Variants in ARHGEF26 observed in about 807,000 individuals in gnomAD.
ARHGEF26 encodes Rho guanine nucleotide exchange factor (GEF) 26.
Under a neutral mutation model 89.4 loss-of-function variants are expected in ARHGEF26, and 59 were observed. The ratio of observed to expected loss-of-function variants is 0.66; its 90% CI spans 0.54 to 0.82. The LOEUF (loss-of-function observed/expected upper bound fraction) is 0.82. Ranked by LOEUF, ARHGEF26 falls within the 40% of genes least tolerant of loss-of-function variation. The pLI, the probability that ARHGEF26 is intolerant of heterozygous loss-of-function variation, is 0.00. For synonymous variants in ARHGEF26, 500 were observed against 428.4 expected, an observed-to-expected ratio of 1.17 and a Z score of -2.06; for missense variants, 1,234 against 1,085.6, an observed-to-expected ratio of 1.14 and a Z score of -1.92.
intron 10 of ARHGEF26, among the ~76,000 whole-genome samples, chr3:154,221,375 G>A (rs1716115757): frequency 6.6e-6 from 1 of 152,176 alleles, no homozygotes; most frequent in Non-Finnish European, 1.5e-5. Flanking sequence ...TTTATATGTT[G>A]CTGGTGGGAA....
chr3:154,122,808 C>G lies in ARHGEF26; in HGVS notation c.816C>G (p.His272Gln), dbSNP rs757399629. 1.2e-6 allele frequency: 2 copies of G among 1,612,072 alleles called. No homozygotes were observed. Among genetic ancestry groups the G allele is most frequent in the Admixed American group, 1.7e-5 (1 of 59,668 alleles). Residue 272 changes from histidine to glutamine, a missense_variant, in exon 2 of 15, where the codon CAC (histidine) becomes CAG (glutamine). Coordinates refer to ENST00000465093, the MANE Select transcript of ARHGEF26 (RefSeq NM_015595.4). ...CCAACAATCAAAATGTGGAGCCCCA[C>G]AAGAGACTCCTCAAGGTGCGCAGCA... The part of the protein sequence containing the change: ...SKSNNQNVEP[H>Q]KRLLKVRSMV...
At chr3:154,212,376 T>A (rs1422649714) in intron 9 of ARHGEF26, among the ~76,000 whole-genome samples, 1 of 151,210 alleles carries the variant, frequency 6.6e-6, no homozygotes, top group Non-Finnish European at 1.5e-5. Context: ...GATACAATAA[T>A]AAGTGTACAT....
rs537821087 is a variant in ARHGEF26 at position 154,230,225 on chromosome 3, T to TG, written c.2090+4216dup. Among the ~76,000 whole-genome samples the TG allele has an allele frequency of 5.1e-3, 783 of 152,312 alleles. 4 individuals are homozygous for TG. Among genetic ancestry groups the TG allele is most frequent in the Non-Finnish European group, 7.8e-3 (530 of 68,004 alleles). On this transcript the variant is annotated intron_variant, in intron 11 of 14. Transcript: ENST00000465093. The stretch of plus-strand genomic sequence containing the variant: ...CTGTATCAAAGTGCCACAAACAAAG[T>TG]GAGTGGCTTAAAACAGTCAGAATTT...
intron 6 of ARHGEF26, among the ~76,000 whole-genome samples, chr3:154,166,628 G>T (rs1313668596): frequency 6.6e-6 from 1 of 152,138 alleles, no homozygotes; most frequent in Non-Finnish European, 1.5e-5. Context: ...GTTTGGCATG[G>T]TAAAAGTTTG....
At chr3:154,252,957 C>A (rs1243463818) in intron 12 of ARHGEF26, among the ~76,000 whole-genome samples, 159 bp from the exon 13 acceptor site, 1 of 152,172 alleles carries the variant, frequency 6.6e-6, no homozygotes, top group Admixed American at 6.5e-5. Flanking sequence ...TTTAGACTTT[C>A]CAGCTTATCA....
intron 9 of ARHGEF26, among the ~76,000 whole-genome samples, chr3:154,207,168 G>A (rs1210413249): frequency 6.6e-6 from 1 of 152,078 alleles, no homozygotes; most frequent in African/African-American, 2.4e-5. Context: ...AGAAAACCTG[G>A]TCATACCATT....
At chr3:154,138,514 A>G (rs1719158014) in intron 4 of ARHGEF26, among the ~76,000 whole-genome samples, 1 of 152,128 alleles carries the variant, frequency 6.6e-6, no homozygotes, top group Admixed American at 6.5e-5. Flanking sequence ...AGATCTGCCA[A>G]TATTTATGTA....
intron 9 of ARHGEF26, among the ~76,000 whole-genome samples, chr3:154,197,295 T>C (rs1470179130): frequency 6.6e-6 from 1 of 152,170 alleles, no homozygotes; most frequent in Non-Finnish European, 1.5e-5. Context: ...TTAATCTTCT[T>C]TTTTATTTGT....
intron 9 of ARHGEF26, among the ~76,000 whole-genome samples, chr3:154,197,023 G>A (rs563320711): frequency 6.6e-5 from 10 of 152,156 alleles, no homozygotes; most frequent in Middle Eastern, 6.8e-3. Context: ...ATTCCTTCAG[G>A]CATCTCTTGT....
At position 154,240,351 on chromosome 3, in the gene ARHGEF26, T is replaced by C. The variant is rs1432389132; in HGVS notation, c.2091-19T>C. 2 of 1,568,192 alleles carry C rather than the reference T, an allele frequency of 1.3e-6. No individual in the cohort carries two copies. Among genetic ancestry groups the C allele is most frequent in the Admixed American group, 1.8e-5 (1 of 56,978 alleles). On this transcript the variant is annotated intron_variant, in intron 11 of 14. Coordinates refer to ENST00000465093, the MANE Select transcript of ARHGEF26 (RefSeq NM_015595.4). Reference sequence around the variant, plus strand: ...TATCTGCTGAATAATTGACGTGTTCTTTTCCCTTTCCTTTACAGTGAAGAA... The same window carrying C: ...TATCTGCTGAATAATTGACGTGTTCCTTTCCCTTTCCTTTACAGTGAAGAA...
Position 154,241,053 on chromosome 3 carries a change from T to A in ARHGEF26, c.2300+474T>A, listed in dbSNP as rs112728568. ...AGCTACCCAGTTTACGGAAATATAC[T>A]GATAAATCCTCTTTCTAATCCAGAG... On this transcript the variant is annotated intron_variant, in intron 12 of 14. Transcript: ENST00000465093. Among the ~76,000 whole-genome samples the A allele has an allele frequency of 6.7e-3, 1,015 of 152,284 alleles. 13 individuals are homozygous for A. Among genetic ancestry groups the A allele is most frequent in the African/African-American group, 0.023 (953 of 41,568 alleles).
At chr3:154,142,012 A>C (rs1463832501) in intron 4 of ARHGEF26, among the ~76,000 whole-genome samples, 1 of 152,178 alleles carries the variant, frequency 6.6e-6, no homozygotes, top group African/African-American at 2.4e-5. Flanking sequence ...AGCAGAAGAC[A>C]ATAGAAATGA....
chr3:154,224,391 A>G (rs759660616), intron 10 of ARHGEF26, among the ~76,000 whole-genome samples: 13 of 152,188 alleles, frequency 8.5e-5, no homozygotes, highest in Non-Finnish European at 1.5e-4. Flanking sequence ...ATAAAAATGA[A>G]TCTGCTTTAA....
intron 10 of ARHGEF26, 78 bp downstream of exon 10, chr3:154,218,036 G>A: frequency 7.9e-7 from 1 of 1,273,670 alleles, no homozygotes. Flanking sequence ...GGGCAACAAA[G>A]TAGATAGGAA....
chr3:154,151,057 A>G (rs766789381), intron 5 of ARHGEF26, among the ~76,000 whole-genome samples: 22 of 152,178 alleles, frequency 1.4e-4, no homozygotes, highest in Non-Finnish European at 2.2e-4. Flanking sequence ...CCTTGATGTA[A>G]TCAGAAGTAA....
At chr3:154,197,269 A>G (rs554951129) in intron 9 of ARHGEF26, among the ~76,000 whole-genome samples, 3 of 152,320 alleles carry the variant, frequency 2.0e-5, no homozygotes, top group Admixed American at 2.0e-4. Context: ...AATCGTTGAT[A>G]TAGTCAGCTC....
chr3:154,153,275 A>C (rs1048336092), intron 6 of ARHGEF26, among the ~76,000 whole-genome samples: 3 of 152,128 alleles, frequency 2.0e-5, no homozygotes, highest in Non-Finnish European at 4.4e-5. Flanking sequence ...CCTTAGGCTT[A>C]GGTCTTCTGC....
intron 4 of ARHGEF26, among the ~76,000 whole-genome samples, chr3:154,130,494 T>C (rs563783286): frequency 1.3e-4 from 20 of 152,212 alleles, no homozygotes; most frequent in Admixed American, 5.9e-4. Context: ...TTAAAGCTGA[T>C]TAATGAATGA....
At chr3:154,121,264 G>A (rs1717874746), upstream of ARHGEF26, 4 of 152,574 alleles carry the variant, frequency 2.6e-5, no homozygotes, top group African/African-American at 9.6e-5. Flanking sequence ...CAGGGAGACT[G>A]GGGCTGATTG....
Sources: allele counts gnomAD v4.1 joint callset (sites outside exome capture counted in the v4.1 genomes callset), GRCh38; gene constraint gnomAD v4.1.1; transcripts MANE v1.5; gene names NCBI Gene and HGNC (gene_info 2026-07-23, HGNC 2026-07-21).